Variants in C15orf61 observed in about 807,000 individuals in gnomAD.
The protein encoded by C15orf61 is uncharacterized protein C15orf61.
Under a neutral mutation model 13.7 loss-of-function variants are expected in C15orf61, and 12 were observed. That is an observed-to-expected ratio of 0.88 (90% CI 0.56 to 1.42). The LOEUF is 1.42. Ranked by LOEUF, C15orf61 falls within the 40% of genes most tolerant of loss-of-function variation. The pLI is 0.00. For synonymous variants in C15orf61, 92 were observed against 94.1 expected, an observed-to-expected ratio of 0.98 and a Z score of 0.13; for missense variants, 248 against 213.2, an observed-to-expected ratio of 1.16 and a Z score of -1.02.
At position 67,528,259 on chromosome 15, in the gene C15orf61, T is replaced by C. The variant is rs868773006; in HGVS notation, c.*1714T>C. The C allele has an allele frequency of 6.6e-6, 1 of 152,254 alleles. No homozygotes were observed. The highest frequency in any genetic ancestry group is 1.5e-5 in the Non-Finnish European group (1 of 68,036). The allele number at this position is 152,254 out of a possible 1,614,324, so 9.4% of individuals were successfully genotyped here. On this transcript the variant is annotated 3_prime_UTR_variant, in exon 2 of 2. Transcript: ENST00000342683. The stretch of plus-strand genomic sequence containing the variant: ...CTGACTCTGCTTACCTGTTTTTCAA[T>C]AGCTATAGTCAGTGTGACTTCTTGC...
intron 1 of C15orf61, among the ~76,000 whole-genome samples, chr15:67,522,811 G>C (rs2084175972): frequency 6.6e-6 from 1 of 152,212 alleles, no homozygotes; most frequent in Admixed American, 6.5e-5. Flanking sequence ...AATAGGTTAG[G>C]AAAAGCATAA....
At position 67,521,393 on chromosome 15, in the gene C15orf61, A is replaced by T. The variant is rs1198536857; in HGVS notation, c.145A>T (p.Thr49Ser). 6 of 1,541,522 alleles carry T rather than the reference A, an allele frequency of 3.9e-6. No individual in the cohort carries two copies. In the African/African-American group the frequency reaches 6.9e-5, roughly 18 times the overall value. ...HLLQRRLPHW[T>S]SFCVPYSAVR... is the part of the protein sequence containing the mutation. ...GCTGCAGCGGCGCCTGCCGCACTGG[A>T]CCTCCTTCTGCGTGCCCTACAGCGC... Residue 49 changes from threonine (T) to serine (S), a missense_variant, in exon 1 of 2, where the codon ACC becomes TCC. By Grantham distance (58) the Thr-to-Ser change is moderately conservative. Transcript: ENST00000342683.
chr15:67,521,689 G>GC, intron 1 of C15orf61, 95 bp downstream of exon 1: 1 of 1,237,710 alleles, frequency 8.1e-7, no homozygotes, highest in Admixed American at 2.7e-5. Flanking sequence ...CAGGCCGGTA[G>GC]AGTCCCGCGG....
At chr15:67,523,534 T>C (rs568027628) in intron 1 of C15orf61, among the ~76,000 whole-genome samples, 1 of 152,248 alleles carries the variant, frequency 6.6e-6, no homozygotes, top group East Asian at 1.9e-4. Context: ...GAGAAGTAGA[T>C]TGAGATTTAA....
rs1361565681 is a variant in C15orf61, at chr15:67,521,245, G to A, written c.-4G>A. ...ACCAGCCTGCGTCCCCGGCGCGGCG[G>A]GCCATGGAGGCCCTGAGGAGGGCCC... is the stretch of plus-strand genomic sequence containing the variant. On this transcript the variant is annotated 5_prime_UTR_variant, in exon 1 of 2. Coordinates refer to ENST00000342683, the MANE Select transcript of C15orf61 (RefSeq NM_001143936.2). 6.4e-6 allele frequency: 8 copies of A among 1,249,232 alleles called. No homozygotes were observed. In the Admixed American group the frequency reaches 3.0e-4, roughly 46 times the overall value. 77.4% of individuals were successfully genotyped at this position (1,249,232 alleles called of 1,614,324 possible).
At position 67,521,401 on chromosome 15, in the gene C15orf61, C is replaced by T; in HGVS notation, c.153C>T (p.Phe51=). 1 of 1,542,976 alleles carries T rather than the reference C, an allele frequency of 6.5e-7. No homozygotes were observed. Among genetic ancestry groups the T allele is most frequent in the Non-Finnish European group, 8.7e-7 (1 of 1,146,578 alleles). Residue 51 remains phenylalanine (F), a synonymous_variant, in exon 1 of 2, where the codon TTC becomes TTT. Transcript: ENST00000342683. ...GGCGCCTGCCGCACTGGACCTCCTT[C>T]TGCGTGCCCTACAGCGCCGTCCGCA... The part of the protein sequence containing the change: ...LQRRLPHWTS[F]CVPYSAVRND...
At position 67,528,800 on chromosome 15, in the gene C15orf61, C is replaced by G. The variant is rs2084212751; in HGVS notation, c.*2255C>G. ...CACCTGTAATCTGAGAAGAACGAAACAAGAGACATTTCTACCCGAAAATGT... is the reference window on the plus strand; with the variant it reads ...CACCTGTAATCTGAGAAGAACGAAAGAAGAGACATTTCTACCCGAAAATGT... On this transcript the variant is annotated 3_prime_UTR_variant, in exon 2 of 2. Coordinates refer to ENST00000342683, the MANE Select transcript of C15orf61 (RefSeq NM_001143936.2). 6.6e-6 allele frequency: 1 copy of G among 152,172 alleles called. No homozygotes were observed. The highest frequency in any genetic ancestry group is 2.1e-4 in the South Asian group (1 of 4,826). 9.4% of individuals were successfully genotyped at this position (152,172 alleles called of 1,614,324 possible).
At position 67,526,553 on chromosome 15, in the gene C15orf61, C is replaced by A. The variant is rs777390551; in HGVS notation, c.*8C>A. On this transcript the variant is annotated 3_prime_UTR_variant, in exon 2 of 2. Transcript: ENST00000342683. Reference sequence around the variant, plus strand: ...GAAGGTGCCATGTATTGAAAGTGTGCGTCAAAGAACATAAATATCAGTGGA... The same window carrying A: ...GAAGGTGCCATGTATTGAAAGTGTGAGTCAAAGAACATAAATATCAGTGGA... The A allele has an allele frequency of 7.3e-6, 11 of 1,500,716 alleles. No individual in the cohort carries two copies. Among genetic ancestry groups the A allele is most frequent in the Non-Finnish European group, 9.8e-6 (11 of 1,122,000 alleles). The allele number at this position is 1,500,716 out of a possible 1,614,324, so 93.0% of individuals were successfully genotyped here. A position where few individuals can be genotyped will look rare whatever the true frequency, so the allele number is the denominator to read the frequency against.
chr15:67,522,335 C>T, intron 1 of C15orf61: 1 of 672,290 alleles, frequency 1.5e-6, no homozygotes, highest in Non-Finnish European at 2.7e-6. Context: ...GGCATAAAAT[C>T]AATCTAGATT....
At chr15:67,522,201 C>G (rs1265438923) in intron 1 of C15orf61, 1 of 701,762 alleles carries the variant, frequency 1.4e-6, no homozygotes, top group East Asian at 2.7e-5. Context: ...TTTACTGTCA[C>G]TAGGTGTTTA....
At chr15:67,522,976 A>G (rs2084176964) in intron 1 of C15orf61, among the ~76,000 whole-genome samples, 1 of 152,194 alleles carries the variant, frequency 6.6e-6, no homozygotes, top group Non-Finnish European at 1.5e-5. Context: ...GATACTCAGA[A>G]CATTCCACAC....
Position 67,527,602 on chromosome 15 carries a change from T to A in C15orf61, c.*1057T>A, listed in dbSNP as rs893897304. 1 of 152,224 alleles carries A rather than the reference T, an allele frequency of 6.6e-6. No homozygotes were observed. Among genetic ancestry groups the A allele is most frequent in the African/African-American group, 2.4e-5 (1 of 41,462 alleles). 9.4% of individuals were successfully genotyped at this position (152,224 alleles called of 1,614,324 possible). ...CAAACATACATTATATATCATTTTA[T>A]GTTAATGTGTTGCTGATACTCTGCA... On this transcript the variant is annotated 3_prime_UTR_variant, in exon 2 of 2. Coordinates refer to ENST00000342683, the MANE Select transcript of C15orf61 (RefSeq NM_001143936.2).
chr15:67,527,284 G>T lies in C15orf61; in HGVS notation c.*739G>T, dbSNP rs1483308822. 6.6e-6 allele frequency: 1 copy of T among 152,090 alleles called. No homozygotes were observed. Among genetic ancestry groups the T allele is most frequent in the Non-Finnish European group, 1.5e-5 (1 of 67,990 alleles). The allele number at this position is 152,090 out of a possible 1,614,324, so 9.4% of individuals were successfully genotyped here. A position where few individuals can be genotyped will look rare whatever the true frequency, so the allele number is the denominator to read the frequency against. On this transcript the variant is annotated 3_prime_UTR_variant, in exon 2 of 2. Coordinates refer to ENST00000342683, the MANE Select transcript of C15orf61 (RefSeq NM_001143936.2). ...AGAAAGATGCAGAAAAATAAATTTG[G>T]TAACTGTTTATAAAAGCAATTAACT...
chr15:67,523,007 A>G (rs957392286), intron 1 of C15orf61, among the ~76,000 whole-genome samples: 1 of 152,228 alleles, frequency 6.6e-6, no homozygotes, highest in Non-Finnish European at 1.5e-5. Flanking sequence ...AAAACCTTTT[A>G]AAGTTGAAAG....
chr15:67,523,575 A>G (rs2084181723), intron 1 of C15orf61, among the ~76,000 whole-genome samples: 1 of 152,174 alleles, frequency 6.6e-6, no homozygotes, highest in African/African-American at 2.4e-5. Context: ...AATGAATGAG[A>G]TTTACTGAGG....
In C15orf61 at chr15:67,521,449, C is replaced by G; in HGVS notation, c.201C>G (p.His67Gln). The change falls in exon 1 of 2, where the codon CAC becomes CAG. Residue 67 changes from histidine (H) to glutamine (Q), a missense_variant. Transcript: ENST00000342683. ...AVRNDQFGLS[H>Q]FNWPVQGANY... is the part of the protein sequence containing the mutation. ...GCAACGACCAGTTCGGCCTCTCGCA[C>G]TTCAACTGGCCGGTGCAGGGCGCCA... 1 of 1,547,844 alleles carries G rather than the reference C, an allele frequency of 6.5e-7. No individual in the cohort carries two copies. Among genetic ancestry groups the G allele is most frequent in the Middle Eastern group, 1.7e-4 (1 of 5,994 alleles).
Position 67,526,904 on chromosome 15 carries a change from A to G in C15orf61, c.*359A>G, listed in dbSNP as rs1002258850. On this transcript the variant is annotated 3_prime_UTR_variant, in exon 2 of 2. Coordinates refer to ENST00000342683, the MANE Select transcript of C15orf61 (RefSeq NM_001143936.2). ...ATGCCCACACAAAAGAGAAGGGGGGAAAATCTTTTATGTAACAATGGAAAA... is the reference window on the plus strand; with the variant it reads ...ATGCCCACACAAAAGAGAAGGGGGGGAAATCTTTTATGTAACAATGGAAAA... 37 of 157,526 alleles carry G rather than the reference A, an allele frequency of 2.3e-4. No homozygotes were observed. The highest frequency in any genetic ancestry group is 4.5e-4 in the Admixed American group (7 of 15,424). The allele number at this position is 157,526 out of a possible 1,614,324, so 9.8% of individuals were successfully genotyped here. A position where few individuals can be genotyped will look rare whatever the true frequency, so the allele number is the denominator to read the frequency against.
intron 1 of C15orf61, among the ~76,000 whole-genome samples, chr15:67,523,775 C>T (rs775965356): frequency 5.9e-5 from 9 of 152,010 alleles, no homozygotes; most frequent in Non-Finnish European, 8.8e-5. Context: ...ATGTGTGCTA[C>T]AAAGATTTTG....
rs146150685 is a variant in C15orf61 at position 67,524,590 on chromosome 15, A to T, written c.347-1828A>T. 4.9e-4 allele frequency among the ~76,000 whole-genome samples: 74 copies of T among 152,218 alleles called. 1 individual carries two copies. The East Asian group carries it at 0.013, about 27-fold the overall frequency. On this transcript the variant is annotated intron_variant, in intron 1 of 1. Transcript: ENST00000342683. ...ACAAACTGTGACCCAGTATATTCCT[A>T]AAAATAGAGAGATGCCAGCCTGAAT...
Sources: allele counts gnomAD v4.1 joint callset (sites outside exome capture counted in the v4.1 genomes callset), GRCh38; gene constraint gnomAD v4.1.1; transcripts MANE v1.5; gene names NCBI Gene and HGNC (gene_info 2026-07-23, HGNC 2026-07-21).